The following MALT1 variants were observed in gnomAD, a reference collection of about 807,000 sequenced individuals.
MALT1 encodes MALT1 paracaspase.
In MALT1, 36 loss-of-function variants were observed where a neutral mutation model predicts 85.5. That is an observed-to-expected ratio of 0.42 (90% confidence interval 0.32 to 0.56). The LOEUF (loss-of-function observed/expected upper bound fraction) is 0.56. Among genes scored for constraint, MALT1 ranks in the 20% least tolerant of loss-of-function variants. The probability of loss-of-function intolerance (pLI) is 0.10; values close to 1 mark genes in which losing one functional copy is unlikely to be tolerated. For missense variants in MALT1, 716 were observed against 981.6 expected (o/e 0.73, Z 3.62); for synonymous variants, 359 against 361.3 (o/e 0.99, Z 0.07).
intron 2 of MALT1, among the ~76,000 whole-genome samples, chr18:58,683,872 T>C (rs2054358450): frequency 6.6e-6 from 1 of 152,184 alleles, no homozygotes; most frequent in Non-Finnish European, 1.5e-5. Flanking sequence ...TTTCTTTTTG[T>C]TTTTAATTTT....
chr18:58,695,362 G>A (rs57511397), intron 2 of MALT1, among the ~76,000 whole-genome samples: 8,176 of 152,220 alleles, frequency 0.054, 352 homozygotes, highest in East Asian at 0.22. Context: ...GAAGGAGTTG[G>A]GGGTGTTCCA....
At chr18:58,679,749 A>T (rs372090252) in intron 1 of MALT1, among the ~76,000 whole-genome samples, 1 of 152,046 alleles carries the variant, frequency 6.6e-6, no homozygotes, top group East Asian at 1.9e-4. Context: ...GGGCTTCACC[A>T]TGTTGGCCAG....
chr18:58,733,326 T>C, intron 10 of MALT1, 71 bp from the exon 11 acceptor site: 1 of 982,868 alleles, frequency 1.0e-6, no homozygotes, highest in East Asian at 2.4e-5. Flanking sequence ...CTACAAAAAG[T>C]TATGCAGTCT....
At position 58,749,668 on chromosome 18, in the gene MALT1, GAAT is replaced by G. The variant is rs2055420219; in HGVS notation, c.*1830_*1832del. ...GGTAAATTCACAAATACATAACCTTGAATAATGAGGATCAACTGTACCATATTT... is the reference window on the plus strand; with the variant it reads ...GGTAAATTCACAAATACATAACCTTGAATGAGGATCAACTGTACCATATTT... On this transcript the variant is annotated 3_prime_UTR_variant, in exon 17 of 17. Coordinates refer to ENST00000649217, the MANE Select transcript of MALT1 (RefSeq NM_006785.4). 1 of 220,222 alleles carries G rather than the reference GAAT, an allele frequency of 4.5e-6. No homozygotes were observed. The highest frequency in any genetic ancestry group is 2.2e-5 in the African/African-American group (1 of 44,592). 13.6% of individuals were successfully genotyped at this position (220,222 alleles called of 1,614,324 possible).
chr18:58,719,685 A>C (rs1282424282), intron 9 of MALT1, among the ~76,000 whole-genome samples: 2 of 152,206 alleles, frequency 1.3e-5, no homozygotes, highest in Non-Finnish European at 2.9e-5. Flanking sequence ...ACCTGCTACC[A>C]CATCTGGAAA....
At chr18:58,677,854 A>G (rs756371083) in intron 1 of MALT1, among the ~76,000 whole-genome samples, 7 of 152,220 alleles carry the variant, frequency 4.6e-5, no homozygotes, top group Non-Finnish European at 1.0e-4. Context: ...AAGAATACCT[A>G]GTAAATATAG....
chr18:58,748,913 A>AACTT lies in MALT1; in HGVS notation c.*1075_*1078dup, dbSNP rs200220610. ...AGTAGGAGAGGAAAGAACACTTCCC[A>AACTT]ACTTACTCTAGGTCAGTATTACCCT... On this transcript the variant is annotated 3_prime_UTR_variant, in exon 17 of 17. Coordinates refer to ENST00000649217, the MANE Select transcript of MALT1 (RefSeq NM_006785.4). 364 of 208,502 alleles carry AACTT rather than the reference A, an allele frequency of 1.7e-3. 2 individuals carry two copies. The East Asian group carries it at 0.025, about 14-fold the overall frequency. The allele number at this position is 208,502 out of a possible 1,614,324, so 12.9% of individuals were successfully genotyped here. A position where few individuals can be genotyped will look rare whatever the true frequency, so the allele number is the denominator to read the frequency against.
intron 9 of MALT1, among the ~76,000 whole-genome samples, chr18:58,722,008 T>C (rs2054990502): frequency 6.6e-6 from 1 of 152,168 alleles, no homozygotes; most frequent in Admixed American, 6.5e-5. Context: ...GCTGCTACTA[T>C]TACGGGTGCT....
At chr18:58,735,073 C>G (rs75609858) in intron 12 of MALT1, 129 bp from the exon 13 acceptor site, 3 of 674,416 alleles carry the variant, frequency 4.4e-6, no homozygotes, top group Admixed American at 6.8e-5. Context: ...CCACCCCCCC[C>G]CAGCCTCTGG....
chr18:58,684,439 C>CTTTTTTT (rs548214354), intron 2 of MALT1, among the ~76,000 whole-genome samples: 3 of 73,562 alleles, frequency 4.1e-5, no homozygotes, highest in South Asian at 6.1e-4. Context: ...AAGATTTACT[C>CTTTTTTT]TTTTTTTTTT....
chr18:58,719,912 CTA>C (rs149512854), intron 9 of MALT1, among the ~76,000 whole-genome samples: 10,820 of 152,204 alleles, frequency 0.071, 1,289 homozygotes, highest in African/African-American at 0.25. Context: ...ATAGCATTTA[CTA>C]TATGCCAGCT....
intron 13 of MALT1, among the ~76,000 whole-genome samples, chr18:58,736,934 CT>C (rs575117322): frequency 9.2e-5 from 14 of 152,190 alleles, no homozygotes; most frequent in Admixed American, 2.0e-4. Flanking sequence ...TGTCTGACCC[CT>C]GTCTTAGTAG....
Position 58,748,227 on chromosome 18 carries a change from A to G in MALT1, c.*385A>G. On this transcript the variant is annotated 3_prime_UTR_variant, in exon 17 of 17. Transcript: ENST00000649217. ...CGATCACCAGGCATAACCTAATTTT[A>G]TCCATGGAAGAAACACAGAAAGGCA... is the stretch of plus-strand genomic sequence containing the variant. 1 of 251,222 alleles carries G rather than the reference A, an allele frequency of 4.0e-6. No individual in the cohort carries two copies. The highest frequency in any genetic ancestry group is 7.7e-6 in the Non-Finnish European group (1 of 129,248). The allele number at this position is 251,222 out of a possible 1,614,324, so 15.6% of individuals were successfully genotyped here.
rs189440387 is a variant in MALT1, at chr18:58,677,369, A to G, written c.210-3801A>G. Among the ~76,000 whole-genome samples, 6 of 152,296 alleles carry G rather than the reference A, an allele frequency of 3.9e-5. No homozygotes were observed. The East Asian group carries it at 9.6e-4, about 24-fold the overall frequency. ...GCATCACTTGGTTGCATTTGATGAG[A>G]TGGCTTCTTAATTTCATTTATCAGA... On this transcript the variant is annotated intron_variant, in intron 1 of 16. Transcript: ENST00000649217.
At position 58,723,238 on chromosome 18, in the gene MALT1, C is replaced by A. The variant is rs1424233944; in HGVS notation, c.1209C>A (p.Asp403Glu). 6.2e-7 allele frequency: 1 copy of A among 1,604,474 alleles called. No homozygotes were observed. ...NAVDEFLLLLDKGVYGLLYYA... is the reference protein window; with the variant it reads ...NAVDEFLLLLEKGVYGLLYYA... ...TGGATGAGTTTTTACTCCTTTTAGA[C>A]AAGGGAGTATATGGTAAGATATTTA... The change falls in exon 10 of 17, where the codon GAC becomes GAA. Residue 403 changes from aspartate (D) to glutamate (E), a missense_variant. Asp to Glu is a conservative substitution (Grantham distance 45, BLOSUM62 2). Coordinates refer to ENST00000649217, the MANE Select transcript of MALT1 (RefSeq NM_006785.4).
intron 10 of MALT1, 83 bp downstream of exon 10, chr18:58,723,334 T>A: frequency 1.0e-6 from 1 of 991,658 alleles, no homozygotes; most frequent in Non-Finnish European, 1.5e-6. Context: ...GAAAATCAGA[T>A]AAAGATAAGG....
At chr18:58,723,958 G>C (rs933073784) in intron 10 of MALT1, among the ~76,000 whole-genome samples, 2 of 152,156 alleles carry the variant, frequency 1.3e-5, no homozygotes, top group Non-Finnish European at 2.9e-5. Flanking sequence ...GGGAAGGCCA[G>C]CTGTTGAGCT....
chr18:58,723,554 C>T (rs1411422838), intron 10 of MALT1, among the ~76,000 whole-genome samples: 1 of 152,006 alleles, frequency 6.6e-6, no homozygotes, highest in Non-Finnish European at 1.5e-5. Context: ...TTGATAACCA[C>T]ACAGCAAAAT....
At chr18:58,738,125 C>A (rs2055250946) in intron 13 of MALT1, among the ~76,000 whole-genome samples, 1 of 152,158 alleles carries the variant, frequency 6.6e-6, no homozygotes, top group African/African-American at 2.4e-5. Flanking sequence ...TTCCCCCACT[C>A]CATGATAACT....
Sources: gnomAD v4.1 joint callset for allele counts (sites outside exome capture counted in the v4.1 genomes callset) on GRCh38, gnomAD v4.1.1 for gene constraint, MANE v1.5 for transcripts, NCBI Gene and HGNC (gene_info 2026-07-23, HGNC 2026-07-21) for gene names.